Variants in MALRD1 observed in about 807,000 individuals in gnomAD.
The protein encoded by MALRD1 is MAM and LDL-receptor class A domain-containing protein 1.
Under a neutral mutation model 242.1 loss-of-function variants are expected in MALRD1, and 247 were observed. That is an observed-to-expected ratio of 1.02 (90% CI 0.92 to 1.13). MALRD1 has a LOEUF of 1.13. Among genes scored for constraint, MALRD1 ranks in the 50% most tolerant of loss-of-function variants. The pLI is 0.00. For synonymous variants in MALRD1, 995 were observed against 866.6 expected, an observed-to-expected ratio of 1.15 and a Z score of -2.60; for missense variants, 2,989 against 2,533.1, an observed-to-expected ratio of 1.18 and a Z score of -3.86.
At chr10:19,299,317 A>C (rs1189163413) in intron 21 of MALRD1, among the ~76,000 whole-genome samples, 1 of 151,958 alleles carries the variant, frequency 6.6e-6, no homozygotes, top group Non-Finnish European at 1.5e-5. Flanking sequence ...TATCAAATAC[A>C]AAGTAAAGGG....
chr10:19,547,012 C>A (rs1835234883), intron 32 of MALRD1, among the ~76,000 whole-genome samples: 1 of 151,992 alleles, frequency 6.6e-6, no homozygotes, highest in Non-Finnish European at 1.5e-5. Context: ...AATTTTCTTT[C>A]AATTTGAGGG....
chr10:19,662,824 T>C (rs753360137), intron 36 of MALRD1, among the ~76,000 whole-genome samples: 2 of 151,966 alleles, frequency 1.3e-5, no homozygotes, highest in African/African-American at 2.4e-5. Flanking sequence ...ATCTGAAAAC[T>C]CAGAGATCAC....
chr10:19,049,533 G>A (rs1387152253), intron 1 of MALRD1, among the ~76,000 whole-genome samples: 1 of 152,204 alleles, frequency 6.6e-6, no homozygotes, highest in Non-Finnish European at 1.5e-5. Flanking sequence ...ATGAATTTTA[G>A]ATTGGTTGGG....
chr10:19,424,557 A>G (rs976253380), intron 28 of MALRD1, among the ~76,000 whole-genome samples: 1 of 152,222 alleles, frequency 6.6e-6, no homozygotes, highest in Non-Finnish European at 1.5e-5. Flanking sequence ...ATACACTAAT[A>G]TGAGATCTGC....
intron 31 of MALRD1, among the ~76,000 whole-genome samples, chr10:19,515,285 C>G (rs1306948753): frequency 6.6e-6 from 1 of 152,096 alleles, no homozygotes; most frequent in Non-Finnish European, 1.5e-5. Flanking sequence ...CACTAGGAAG[C>G]AAACAACTGA....
Position 19,200,645 on chromosome 10 carries a change from G to GTTTTTTTTTTTTT in MALRD1, c.1952-3069_1952-3057dup, listed in dbSNP as rs71387053. Among the ~76,000 whole-genome samples the GTTTTTTTTTTTTT allele has an allele frequency of 2.0e-4, 14 of 69,446 alleles. 1 individual carries two copies. In the East Asian group the frequency reaches 4.2e-3, roughly 21 times the overall value. 45.6% of individuals were successfully genotyped at this position (69,446 alleles called of 152,430 possible). A position where few individuals can be genotyped will look rare whatever the true frequency, so the allele number is the denominator to read the frequency against. ...TTTTTTTTCTCCCTCCCTGCTTGAG[G>GTTTTTTTTTTTTT]TTTTTTTTTTTTTTTTTTTTTTTTT... On this transcript the variant is annotated intron_variant, in intron 14 of 39. Coordinates refer to ENST00000454679, the MANE Select transcript of MALRD1 (RefSeq NM_001142308.3).
At chr10:19,364,702 G>T (rs191535649) in intron 26 of MALRD1, among the ~76,000 whole-genome samples, 114 of 152,184 alleles carry the variant, frequency 7.5e-4, no homozygotes, top group Admixed American at 1.4e-3. Context: ...ATATTATTGT[G>T]TGAAACTGAA....
At chr10:19,107,522 T>C (rs1031191875) in intron 5 of MALRD1, among the ~76,000 whole-genome samples, 1 of 151,844 alleles carries the variant, frequency 6.6e-6, no homozygotes, top group Non-Finnish European at 1.5e-5. Flanking sequence ...TATGGGTATT[T>C]TACAGGTGAT....
chr10:19,291,544 A>T (rs1361865304), intron 21 of MALRD1: 1 of 151,850 alleles, frequency 6.6e-6, no homozygotes, highest in Non-Finnish European at 1.5e-5. Context: ...CTTTATCTCT[A>T]AAAAGAAAAA....
intron 28 of MALRD1, among the ~76,000 whole-genome samples, chr10:19,408,162 G>T (rs1365013626): frequency 6.6e-6 from 1 of 152,108 alleles, no homozygotes; most frequent in African/African-American, 2.4e-5. Flanking sequence ...AAGAGAAGTT[G>T]GTCAACAGGC....
At chr10:19,306,843 C>G (rs111903632) in intron 21 of MALRD1, among the ~76,000 whole-genome samples, 6,165 of 151,354 alleles carry the variant, frequency 0.041, 199 homozygotes, top group African/African-American at 0.091. Flanking sequence ...TATAAAGCCA[C>G]TGGATCTCGT....
chr10:19,202,796 T>C (rs1196686290), intron 14 of MALRD1, among the ~76,000 whole-genome samples: 1 of 152,176 alleles, frequency 6.6e-6, no homozygotes, highest in East Asian at 1.9e-4. Context: ...GCTTTACTTT[T>C]TTTTTCAATC....
At chr10:19,178,898 T>G (rs1423842977) in intron 14 of MALRD1, among the ~76,000 whole-genome samples, 1 of 152,224 alleles carries the variant, frequency 6.6e-6, no homozygotes, top group African/African-American at 2.4e-5. Context: ...GAACGTAAAG[T>G]GCACACTACT....
intron 31 of MALRD1, among the ~76,000 whole-genome samples, chr10:19,522,197 A>G (rs2131320098): frequency 6.6e-6 from 1 of 152,164 alleles, no homozygotes; most frequent in African/African-American, 2.4e-5. Context: ...TGTATTTTTC[A>G]TTTTAATTCT....
At chr10:19,174,428 T>G (rs2131539381) in intron 13 of MALRD1, among the ~76,000 whole-genome samples, 1 of 152,250 alleles carries the variant, frequency 6.6e-6, no homozygotes, top group South Asian at 2.1e-4. Context: ...TCCTTGAGAT[T>G]GGAGACCCTC....
At chr10:19,732,989 C>A (rs1272127520) in intron 39 of MALRD1, among the ~76,000 whole-genome samples, 1 of 152,198 alleles carries the variant, frequency 6.6e-6, no homozygotes, top group African/African-American at 2.4e-5. Context: ...AATCCTGGCA[C>A]ATCTCCTGAC....
intron 14 of MALRD1, among the ~76,000 whole-genome samples, chr10:19,199,469 T>C (rs909599508): frequency 6.6e-6 from 1 of 152,176 alleles, no homozygotes; most frequent in African/African-American, 2.4e-5. Context: ...AAAAATTACA[T>C]GTCACTCCTC....
Position 19,387,904 on chromosome 10 carries a change from G to A in MALRD1, c.4687+131G>A, listed in dbSNP as rs34842042. ...GTATTGCAAGGCGATCAAACATTTA[G>A]TGAGTGTTTTTTTTCTTAGGGCTGC... On this transcript the variant is annotated intron_variant, in intron 27 of 39. Transcript: ENST00000454679. 7.2e-3 allele frequency: 8,554 copies of A among 1,192,022 alleles called. 52 individuals are homozygous for A. Among genetic ancestry groups the A allele is most frequent in the Non-Finnish European group, 8.3e-3 (7,266 of 871,732 alleles). The allele number at this position is 1,192,022 out of a possible 1,614,324, so 73.8% of individuals were successfully genotyped here.
At chr10:19,548,520 C>T (rs764516165) in intron 32 of MALRD1, among the ~76,000 whole-genome samples, 7 of 152,156 alleles carry the variant, frequency 4.6e-5, no homozygotes, top group Non-Finnish European at 8.8e-5. Context: ...CTGAATCATC[C>T]TCCCTAACAA....
Sources: gnomAD v4.1 joint callset for allele counts (sites outside exome capture counted in the v4.1 genomes callset) on GRCh38, gnomAD v4.1.1 for gene constraint, MANE v1.5 for transcripts, NCBI Gene and HGNC (gene_info 2026-07-23, HGNC 2026-07-21) for gene names.